Variants in ABCC1 observed in about 807,000 individuals in gnomAD.
ABCC1 encodes the protein ATP binding cassette subfamily C member 1 (ABCC1 blood group).
Under a neutral mutation model 172.9 loss-of-function variants are expected in ABCC1, and 83 were observed. The ratio of observed to expected loss-of-function variants is 0.48; its 90% CI spans 0.40 to 0.58. The LOEUF (loss-of-function observed/expected upper bound fraction) is 0.58. Among genes scored for constraint, ABCC1 ranks in the 20% least tolerant of loss-of-function variants. The pLI, the probability that ABCC1 is intolerant of heterozygous loss-of-function variation, is 0.00. For missense variants in ABCC1, 1,817 were observed against 2,002.7 expected (o/e 0.91, Z 1.77); for synonymous variants, 937 against 825.2 (o/e 1.14, Z -2.32).
intron 20 of ABCC1, among the ~76,000 whole-genome samples, chr16:16,104,044 T>G (rs1024760059): frequency 6.6e-6 from 1 of 152,148 alleles, no homozygotes; most frequent in African/African-American, 2.4e-5. Flanking sequence ...GTGGCGTGTC[T>G]GGAGTCGTTC....
chr16:16,102,040 T>C (rs1034609753), intron 19 of ABCC1, among the ~76,000 whole-genome samples: 1 of 152,120 alleles, frequency 6.6e-6, no homozygotes, highest in African/African-American at 2.4e-5. Flanking sequence ...AATGTTGAAA[T>C]ACTTTATTAC....
At chr16:16,071,826 G>C in intron 14 of ABCC1, 97 bp downstream of exon 14, 2 of 1,136,238 alleles carry the variant, frequency 1.8e-6, no homozygotes, top group Middle Eastern at 2.4e-4. Flanking sequence ...GCTGCCCTCA[G>C]GTTTGACTCT....
chr16:16,079,228 G>C (rs2151981431), intron 15 of ABCC1, 124 bp from the exon 16 acceptor site: 1 of 1,425,848 alleles, frequency 7.0e-7, no homozygotes, highest in East Asian at 2.3e-5. Flanking sequence ...TCAGTGTTTA[G>C]TACAGTCTTG....
Position 16,102,681 on chromosome 16 carries a change from T to C in ABCC1, c.2699T>C (p.Met900Thr), listed in dbSNP as rs1363872336. The change falls in exon 20 of 31, where the codon ATG becomes ACG. Residue 900 changes from methionine to threonine, a missense_variant. This residue lies in a region of ABCC1 where 1,412 missense variants were observed against 1,600.3 expected (regional missense o/e 0.88). Coordinates refer to ENST00000399410, the MANE Select transcript of ABCC1 (RefSeq NM_004996.4). ...GAAGCAAAGCAAATGGAGAATGGCA[T>C]GCTGGTGACGGACAGTGCAGGGAAG... is the stretch of plus-strand genomic sequence containing the variant. ...GKEAKQMENG[M>T]LVTDSAGKQL... The C allele has an allele frequency of 6.3e-7, 1 of 1,590,994 alleles. No individual in the cohort carries two copies. Among genetic ancestry groups the C allele is most frequent in the Admixed American group, 1.8e-5 (1 of 56,364 alleles).
intron 1 of ABCC1, among the ~76,000 whole-genome samples, chr16:15,983,552 C>CTTTTTTTT (rs11416710): frequency 7.9e-6 from 1 of 126,554 alleles, no homozygotes; most frequent in Non-Finnish European, 1.6e-5. Flanking sequence ...GTACACCACA[C>CTTTTTTTT]TTTTTTTTTT....
chr16:15,952,024 C>T lies in ABCC1; in HGVS notation c.48+2225C>T, dbSNP rs371740040. Among the ~76,000 whole-genome samples, 37 of 152,284 alleles carry T rather than the reference C, an allele frequency of 2.4e-4. 1 individual carries two copies. In the East Asian group the frequency reaches 6.8e-3, roughly 28 times the overall value. On this transcript the variant is annotated intron_variant, in intron 1 of 30. Coordinates refer to ENST00000399410, the MANE Select transcript of ABCC1 (RefSeq NM_004996.4). ...TTTTTCAAGGTAGCGTGTCCGAGGC[C>T]AGGAGCGACTGGCCTCCCAGGCAGT...
chr16:15,952,240 T>C (rs1342765436), intron 1 of ABCC1, among the ~76,000 whole-genome samples: 2 of 152,234 alleles, frequency 1.3e-5, no homozygotes, highest in East Asian at 3.8e-4. Flanking sequence ...TTAAATATTA[T>C]TTTTTCCAAA....
chr16:16,042,066 T>A (rs2151866966), intron 7 of ABCC1, among the ~76,000 whole-genome samples: 1 of 152,272 alleles, frequency 6.6e-6, no homozygotes, highest in South Asian at 2.1e-4. Flanking sequence ...TGTAGTGGTT[T>A]TATGTTCTCT....
intron 7 of ABCC1, 69 bp downstream of exon 7, chr16:16,036,672 CA>C (rs1221511956): frequency 9.9e-6 from 15 of 1,521,648 alleles, no homozygotes; most frequent in Non-Finnish European, 1.4e-5. Flanking sequence ...GGCCTCAATC[CA>C]GGATGGGGCC....
intron 19 of ABCC1, among the ~76,000 whole-genome samples, chr16:16,101,063 G>A (rs950162176): frequency 1.3e-5 from 2 of 150,082 alleles, no homozygotes; most frequent in Non-Finnish European, 3.0e-5. Flanking sequence ...ACAGAGTCTC[G>A]CTCTGTCACC....
At chr16:16,038,866 G>A (rs1353312412) in intron 7 of ABCC1, among the ~76,000 whole-genome samples, 1 of 152,142 alleles carries the variant, frequency 6.6e-6, no homozygotes, top group Non-Finnish European at 1.5e-5. Context: ...GTGTCCCCTG[G>A]AGCTTGTCAG....
intron 1 of ABCC1, among the ~76,000 whole-genome samples, chr16:15,957,243 C>T (rs1010266285): frequency 6.8e-6 from 1 of 146,590 alleles, no homozygotes; most frequent in Non-Finnish European, 1.5e-5. Context: ...CCATGCCCAG[C>T]TAATTTTTTT....
At chr16:16,091,048 A>G (rs2051233732) in intron 19 of ABCC1, among the ~76,000 whole-genome samples, 1 of 152,012 alleles carries the variant, frequency 6.6e-6, no homozygotes, top group African/African-American at 2.4e-5. Flanking sequence ...TCTGGGTTCA[A>G]TCCCCGGCCG....
chr16:16,002,167 G>A (rs536341278), intron 1 of ABCC1, among the ~76,000 whole-genome samples: 6 of 152,298 alleles, frequency 3.9e-5, no homozygotes, highest in Admixed American at 1.3e-4. Context: ...CAAAGCAGCC[G>A]TAACAAAGAG....
chr16:16,083,872 CACAA>C (rs534601224), intron 17 of ABCC1, among the ~76,000 whole-genome samples: 116 of 152,250 alleles, frequency 7.6e-4, no homozygotes, highest in Middle Eastern at 3.4e-3. Flanking sequence ...CCCTTCTACT[CACAA>C]AGCAAGTCAC....
chr16:16,038,532 C>T (rs1249835560), intron 7 of ABCC1, among the ~76,000 whole-genome samples: 1 of 152,178 alleles, frequency 6.6e-6, no homozygotes, highest in East Asian at 1.9e-4. Flanking sequence ...TCCGGACCCT[C>T]TGCTGATTGG....
chr16:15,952,913 ACCTGTGGTC>A lies in ABCC1; in HGVS notation c.48+3117_48+3125del, dbSNP rs1278050004. ...AAAAAGCCTGGCATGGTGGTGTGGCACCTGTGGTCCCGGCTACTAGGGAGGCTGAGGCAC... is the reference window on the plus strand; with the variant it reads ...AAAAAGCCTGGCATGGTGGTGTGGCACCGGCTACTAGGGAGGCTGAGGCAC... On this transcript the variant is annotated intron_variant, in intron 1 of 30. Coordinates refer to ENST00000399410, the MANE Select transcript of ABCC1 (RefSeq NM_004996.4). Among the ~76,000 whole-genome samples the A allele has an allele frequency of 2.7e-5, 4 of 148,572 alleles. No individual in the cohort carries two copies. The East Asian group carries it at 7.9e-4, about 29-fold the overall frequency.
intron 5 of ABCC1, among the ~76,000 whole-genome samples, chr16:16,026,122 C>T (rs546039718): frequency 1.3e-5 from 2 of 152,074 alleles, no homozygotes; most frequent in Non-Finnish European, 2.9e-5. Context: ...CAAGTAAGGC[C>T]TTCCACGTCA....
intron 27 of ABCC1, among the ~76,000 whole-genome samples, chr16:16,133,887 G>C (rs2045806908): frequency 6.6e-6 from 1 of 152,188 alleles, no homozygotes; most frequent in Non-Finnish European, 1.5e-5. Context: ...CTTCAAGAGA[G>C]GATGCATGGA....
Sources: gnomAD v4.1 joint callset for allele counts (sites outside exome capture counted in the v4.1 genomes callset) on GRCh38, gnomAD v4.1.1 for gene constraint, gnomAD v4.1.1 regional missense constraint, MANE v1.5 for transcripts, NCBI Gene and HGNC (gene_info 2026-07-23, HGNC 2026-07-21) for gene names.